VPS35L: variants seen among roughly 807,000 people sequenced by gnomAD.
VPS35L encodes VPS35 endosomal protein-sorting factor-like.
VPS35L carries 83 observed loss-of-function variants against 133.0 expected under a neutral mutation model. The observed-to-expected ratio is 0.62, with a 90% CI of 0.52 to 0.75. The LOEUF is 0.75. Among genes scored for constraint, VPS35L ranks in the 30% least tolerant of loss-of-function variants. VPS35L has a pLI of 0.00. For missense variants in VPS35L, 1,083 were observed against 1,206.8 expected, an observed-to-expected ratio of 0.90 and a Z score of 1.52; for synonymous variants, 423 against 449.9, an observed-to-expected ratio of 0.94 and a Z score of 0.76.
At chr16:19,565,736 C>A (rs1233053907) in intron 2 of VPS35L, among the ~76,000 whole-genome samples, 2 of 152,180 alleles carry the variant, frequency 1.3e-5, no homozygotes, top group African/African-American at 4.8e-5. Flanking sequence ...TCCCTTCCTT[C>A]CTCCTTAGTG....
intron 8 of VPS35L, among the ~76,000 whole-genome samples, chr16:19,601,033 A>G (rs966364898): frequency 2.0e-5 from 3 of 151,846 alleles, no homozygotes; most frequent in Non-Finnish European, 2.9e-5. Flanking sequence ...GGCTCAAGCA[A>G]TCCTCCCACC....
intron 29 of VPS35L, among the ~76,000 whole-genome samples, chr16:19,695,574 G>A (rs1366093372): frequency 6.6e-6 from 1 of 152,156 alleles, no homozygotes; most frequent in African/African-American, 2.4e-5. Context: ...AACACTTTGG[G>A]AGGCTGGGGA....
chr16:19,640,916 T>C (rs1037413415), intron 21 of VPS35L, among the ~76,000 whole-genome samples: 1 of 152,036 alleles, frequency 6.6e-6, no homozygotes, highest in Non-Finnish European at 1.5e-5. Flanking sequence ...CCCAGCTGAT[T>C]TTTGCATTTT....
At chr16:19,621,866 T>C (rs1313433803) in intron 14 of VPS35L, among the ~76,000 whole-genome samples, 1 of 152,220 alleles carries the variant, frequency 6.6e-6, no homozygotes, top group Non-Finnish European at 1.5e-5. Flanking sequence ...TTTTTAAGCA[T>C]TTAACTTGTC....
intron 14 of VPS35L, among the ~76,000 whole-genome samples, chr16:19,620,456 G>A (rs1310679888): frequency 6.6e-6 from 1 of 152,030 alleles, no homozygotes; most frequent in Admixed American, 6.6e-5. Context: ...GAAGCTGGGT[G>A]GTGGGTACCC....
At chr16:19,679,051 A>C (rs556114529) in intron 27 of VPS35L, among the ~76,000 whole-genome samples, 2 of 151,662 alleles carry the variant, frequency 1.3e-5, no homozygotes, top group Non-Finnish European at 2.9e-5. Context: ...CCCAAGGCAG[A>C]TCCTTAAATA....
At chr16:19,647,650 G>A (rs1435152162) in intron 23 of VPS35L, 134 bp from the exon 24 acceptor site, 14 of 712,784 alleles carry the variant, frequency 2.0e-5, no homozygotes, top group African/African-American at 3.5e-5. Context: ...TATACCCTTC[G>A]ACTTCTTAGG....
In VPS35L at chr16:19,694,624, G is replaced by A. The variant is rs530571107; in HGVS notation, c.2646+3153G>A. On this transcript the variant is annotated intron_variant, in intron 29 of 30. Transcript: ENST00000417362. Reference sequence around the variant, plus strand: ...CCCATGTCAGCCTCCCAAGTAGCTGGGACTACAGGCATGTACCACCACACC... The same window carrying A: ...CCCATGTCAGCCTCCCAAGTAGCTGAGACTACAGGCATGTACCACCACACC... Among the ~76,000 whole-genome samples the A allele has an allele frequency of 4.6e-5, 7 of 152,034 alleles. No homozygotes were observed. In the South Asian group the frequency reaches 1.5e-3, roughly 32 times the overall value.
chr16:19,591,670 C>T (rs907397736), intron 7 of VPS35L, 120 bp from the exon 8 acceptor site: 32 of 707,820 alleles, frequency 4.5e-5, no homozygotes, highest in Middle Eastern at 3.0e-4. Flanking sequence ...CTCGCACAGG[C>T]CTTGGCACAT....
chr16:19,581,443 C>G (rs1971704871), intron 6 of VPS35L, 82 bp from the exon 7 acceptor site: 6 of 1,366,788 alleles, frequency 4.4e-6, no homozygotes, highest in Non-Finnish European at 5.7e-6. Flanking sequence ...CAAAACTCAG[C>G]CAATACCTAG....
At chr16:19,617,543 A>G (rs1972935931) in intron 14 of VPS35L, 2 of 152,210 alleles carry the variant, frequency 1.3e-5, no homozygotes, top group African/African-American at 4.8e-5. Context: ...TCAGATGCTT[A>G]ATTTCTTTTA....
At chr16:19,647,124 G>A (rs1028692912) in intron 23 of VPS35L, among the ~76,000 whole-genome samples, 10 of 152,146 alleles carry the variant, frequency 6.6e-5, no homozygotes, top group African/African-American at 2.4e-4. Context: ...CAATTCCCGT[G>A]TTAGGAAACA....
intron 1 of VPS35L, among the ~76,000 whole-genome samples, chr16:19,560,094 T>C (rs1224992371): frequency 6.6e-6 from 1 of 152,214 alleles, no homozygotes; most frequent in Non-Finnish European, 1.5e-5. Flanking sequence ...AGACTTAAAT[T>C]TTAAAGTTCT....
chr16:19,560,656 C>T (rs560126982), intron 1 of VPS35L, among the ~76,000 whole-genome samples: 8 of 152,120 alleles, frequency 5.3e-5, no homozygotes, highest in East Asian at 1.9e-4. Context: ...ATTAGCCAGG[C>T]GTGGTGACAC....
At chr16:19,608,589 T>A in intron 10 of VPS35L, 1 of 390,010 alleles carries the variant, frequency 2.6e-6, no homozygotes. Context: ...TCCAAGAACT[T>A]GAAAGAACAG....
Position 19,618,273 on chromosome 16 carries a change from A to C in VPS35L, c.1224+1465A>C, listed in dbSNP as rs775431199. Among the ~76,000 whole-genome samples, 12 of 152,116 alleles carry C rather than the reference A, an allele frequency of 7.9e-5. 1 individual carries two copies. Among genetic ancestry groups the C allele is most frequent in the Admixed American group, 2.0e-4 (3 of 15,266 alleles). On this transcript the variant is annotated intron_variant, in intron 14 of 30. Coordinates refer to ENST00000417362, the MANE Select transcript of VPS35L (RefSeq NM_020314.7). ...TGTACAGAAAAGAAAAAAAAAGGAC[A>C]TGACTTTAACCGAGCAATCCCACTT... is the stretch of plus-strand genomic sequence containing the variant.
intron 15 of VPS35L, among the ~76,000 whole-genome samples, chr16:19,626,851 C>G (rs1413041228): frequency 4.6e-5 from 7 of 152,194 alleles, no homozygotes; most frequent in Non-Finnish European, 8.8e-5. Context: ...ATCTCCCTGA[C>G]TCTCACGAAT....
chr16:19,682,172 C>T, intron 27 of VPS35L, 53 bp from the exon 28 acceptor site: 3 of 1,578,640 alleles, frequency 1.9e-6, no homozygotes, highest in Non-Finnish European at 2.6e-6. Flanking sequence ...TTTTCTTTTT[C>T]CCTCCCTGCT....
chr16:19,682,175 T>C (rs900154150), intron 27 of VPS35L, 50 bp from the exon 28 acceptor site: 18 of 1,589,054 alleles, frequency 1.1e-5, no homozygotes, highest in Middle Eastern at 3.3e-4. Flanking sequence ...TCTTTTTCCC[T>C]CCCTGCTTCA....
Sources: allele counts gnomAD v4.1 joint callset (sites outside exome capture counted in the v4.1 genomes callset), GRCh38; gene constraint gnomAD v4.1.1; transcripts MANE v1.5; gene names NCBI Gene and HGNC (gene_info 2026-07-23, HGNC 2026-07-21).